The following NOX4 variants were observed in gnomAD, a reference collection of about 807,000 sequenced individuals.
NOX4 encodes the protein NADPH oxidase 4.
NOX4 carries 69 observed loss-of-function variants against 87.6 expected under a neutral mutation model. The observed-to-expected ratio is 0.79, with a 90% CI of 0.65 to 0.96. The LOEUF is 0.96. Among genes scored for constraint, NOX4 ranks in the 40% least tolerant of loss-of-function variants. The probability of loss-of-function intolerance (pLI) is 0.00; values close to 1 mark genes in which losing one functional copy is unlikely to be tolerated. For synonymous variants in NOX4, 275 were observed against 238.2 expected, an observed-to-expected ratio of 1.15 and a Z score of -1.42; for missense variants, 680 against 681.5, an observed-to-expected ratio of 1.00 and a Z score of 0.02.
chr11:89,371,381 G>A (rs1939433575), intron 12 of NOX4, among the ~76,000 whole-genome samples: 1 of 151,854 alleles, frequency 6.6e-6, no homozygotes, highest in East Asian at 1.9e-4. Context: ...TAAAAAGGGA[G>A]AATAAAATTA....
chr11:89,522,964 C>G, the NOX4 span, among the ~76,000 whole-genome samples: 1 of 152,152 alleles, frequency 6.6e-6, no homozygotes, highest in South Asian at 2.1e-4. Flanking sequence ...CTTAGCTATA[C>G]AAACTCCCAG....
the NOX4 span, among the ~76,000 whole-genome samples, chr11:89,518,188 T>C: frequency 6.6e-6 from 1 of 151,780 alleles, no homozygotes; most frequent in Non-Finnish European, 1.5e-5. Context: ...AGAATAGAAA[T>C]AAAAAGAAAA....
intron 7 of NOX4, among the ~76,000 whole-genome samples, chr11:89,428,883 A>G (rs995482450): frequency 2.6e-5 from 4 of 152,062 alleles, no homozygotes; most frequent in African/African-American, 9.7e-5. Flanking sequence ...CACCTACAGA[A>G]CTCTCCACTC....
At chr11:89,487,635 T>C (rs184698065) in intron 2 of NOX4, among the ~76,000 whole-genome samples, 69 of 152,292 alleles carry the variant, frequency 4.5e-4, no homozygotes, top group African/African-American at 1.5e-3. Context: ...AGACTTATAA[T>C]ATACCTTGAC....
At chr11:89,452,863 T>C (rs987930109) in intron 2 of NOX4, among the ~76,000 whole-genome samples, 4 of 151,946 alleles carry the variant, frequency 2.6e-5, no homozygotes, top group African/African-American at 9.7e-5. Flanking sequence ...TACAGATGCA[T>C]GCCATGTGGT....
At chr11:89,554,742 G>C in the NOX4 span, among the ~76,000 whole-genome samples, 1 of 152,022 alleles carries the variant, frequency 6.6e-6, no homozygotes, top group East Asian at 1.9e-4. Context: ...CATTTAGTTA[G>C]CAATCGGTAG....
At chr11:89,444,524 T>C (rs11018615) in intron 4 of NOX4, among the ~76,000 whole-genome samples, 8 of 144,860 alleles carry the variant, frequency 5.5e-5, no homozygotes, top group African/African-American at 1.8e-4. Flanking sequence ...CTAACACACA[T>C]ACACACACAC....
At chr11:89,489,060 A>AT in intron 2 of NOX4, 2 of 697,526 alleles carry the variant, frequency 2.9e-6, no homozygotes, top group South Asian at 3.0e-5. Flanking sequence ...TTTTCAACCC[A>AT]TTGGCTTAAA....
the NOX4 span, among the ~76,000 whole-genome samples, chr11:89,536,168 A>C: frequency 2.0e-5 from 2 of 97,696 alleles, no homozygotes; most frequent in African/African-American, 4.3e-5. Flanking sequence ...TTTTTTTGAG[A>C]CGGAGTCTCG....
At chr11:89,377,791 A>T (rs1247924822) in intron 11 of NOX4, among the ~76,000 whole-genome samples, 1 of 152,070 alleles carries the variant, frequency 6.6e-6, no homozygotes, top group Non-Finnish European at 1.5e-5. Flanking sequence ...ACATAATATG[A>T]TGTTCTTTAA....
chr11:89,455,061 T>C (rs1298378468), intron 2 of NOX4, among the ~76,000 whole-genome samples: 2 of 152,122 alleles, frequency 1.3e-5, no homozygotes, highest in Non-Finnish European at 2.9e-5. Context: ...ATAGCTCCTA[T>C]AGGCCATATA....
At chr11:89,365,344 G>C (rs1433158832) in intron 12 of NOX4, among the ~76,000 whole-genome samples, 1 of 151,718 alleles carries the variant, frequency 6.6e-6, no homozygotes, top group Non-Finnish European at 1.5e-5. Flanking sequence ...CAGACTTCTT[G>C]GCCCCTAAAT....
the NOX4 span, among the ~76,000 whole-genome samples, chr11:89,504,590 T>A: frequency 1.3e-5 from 2 of 151,946 alleles, no homozygotes; most frequent in African/African-American, 4.8e-5. Flanking sequence ...ATTTGGAAAC[T>A]AGGGTCTACC....
intron 11 of NOX4, among the ~76,000 whole-genome samples, chr11:89,380,746 A>G (rs1200749525): frequency 6.6e-6 from 1 of 152,084 alleles, no homozygotes; most frequent in Admixed American, 6.6e-5. Context: ...ATCTCAAGAA[A>G]CTCAGATGTC....
chr11:89,427,257 C>T (rs982369639), intron 7 of NOX4, among the ~76,000 whole-genome samples: 1 of 152,048 alleles, frequency 6.6e-6, no homozygotes, highest in Admixed American at 6.6e-5. Flanking sequence ...ACAGATAAAA[C>T]CACAAAGATG....
At chr11:89,584,078 C>T in the NOX4 span, among the ~76,000 whole-genome samples, 1,462 of 152,162 alleles carry the variant, frequency 9.6e-3, 19 homozygotes, top group African/African-American at 0.034. Flanking sequence ...ACAGTCTCTC[C>T]TCTTGGGTAG....
upstream of NOX4, among the ~76,000 whole-genome samples, chr11:89,495,323 C>A (rs1946936958): frequency 6.6e-6 from 1 of 152,012 alleles, no homozygotes; most frequent in Non-Finnish European, 1.5e-5. Flanking sequence ...CTTGTCTCTT[C>A]CAGATTCCAG....
rs190530284 is a variant in NOX4, at chr11:89,343,656, G to A, written c.1218-1463C>T. On this transcript the variant is annotated intron_variant, in intron 13 of 17. Transcript: ENST00000263317. ...GAAATACACTGCGTTTCACTTATGAGCAGTGACTTTCTCCCTATCATAGTA... is the reference window on the plus strand; with the variant it reads ...GAAATACACTGCGTTTCACTTATGAACAGTGACTTTCTCCCTATCATAGTA... 5.6e-3 allele frequency among the ~76,000 whole-genome samples: 855 copies of A among 152,142 alleles called. 6 individuals are homozygous for A. The highest frequency in any genetic ancestry group is 0.019 in the African/African-American group (802 of 41,508).
intron 7 of NOX4, among the ~76,000 whole-genome samples, chr11:89,423,024 T>A (rs967581256): frequency 6.6e-6 from 1 of 152,040 alleles, no homozygotes; most frequent in African/African-American, 2.4e-5. Context: ...GGTCTCGAAC[T>A]CCTGACCTCG....
Sources: gnomAD v4.1 joint callset for allele counts (sites outside exome capture counted in the v4.1 genomes callset) on GRCh38, gnomAD v4.1.1 for gene constraint, MANE v1.5 for transcripts, NCBI Gene and HGNC (gene_info 2026-07-23, HGNC 2026-07-21) for gene names.